FRMD3: variants seen among roughly 807,000 people sequenced by gnomAD.
The protein encoded by FRMD3 is FERM domain containing 3.
FRMD3 carries 33 observed loss-of-function variants against 70.2 expected under a neutral mutation model. The observed-to-expected ratio is 0.47, with a 90% CI of 0.36 to 0.63. FRMD3 has a LOEUF of 0.63. Among genes scored for constraint, FRMD3 ranks in the 20% least tolerant of loss-of-function variants. FRMD3 has a pLI of 0.00. For synonymous variants in FRMD3, 279 were observed against 255.9 expected (o/e 1.09, Z -0.86); for missense variants, 632 against 711.4 (o/e 0.89, Z 1.27).
chr9:83,476,383 C>CA (rs35937281), intron 1 of FRMD3, among the ~76,000 whole-genome samples: 55,538 of 113,248 alleles, frequency 0.49, 11,443 homozygotes, highest in Middle Eastern at 0.59. Flanking sequence ...GACTCTCTCT[C>CA]AAAAAAAAAA....
chr9:83,398,949 A>G (rs1346269373), intron 1 of FRMD3, among the ~76,000 whole-genome samples: 1 of 152,156 alleles, frequency 6.6e-6, no homozygotes, highest in Non-Finnish European at 1.5e-5. Context: ...GGCAAGACAC[A>G]AACAGCCACC....
intron 1 of FRMD3, among the ~76,000 whole-genome samples, chr9:83,392,330 G>A (rs1223323552): frequency 6.6e-6 from 1 of 152,094 alleles, no homozygotes; most frequent in African/African-American, 2.4e-5. Context: ...TCCGAAGTCT[G>A]TAAGCCATTT....
the FRMD3 span, among the ~76,000 whole-genome samples, chr9:83,570,540 T>C: frequency 0.73 from 110,850 of 152,104 alleles, 41,342 homozygotes; most frequent in African/African-American, 0.82. Context: ...TATGCTTGGA[T>C]TGTTGAAGAA....
intron 2 of FRMD3, among the ~76,000 whole-genome samples, chr9:83,382,054 TA>T (rs143155738): frequency 2.0e-4 from 30 of 148,820 alleles, no homozygotes; most frequent in Middle Eastern, 3.5e-3. Context: ...CCATAGGATG[TA>T]AAAAAAAAAC....
chr9:83,540,907 C>T (rs929497903), upstream of FRMD3, among the ~76,000 whole-genome samples: 1 of 152,158 alleles, frequency 6.6e-6, no homozygotes, highest in Non-Finnish European at 1.5e-5. Flanking sequence ...ATTGAATTAT[C>T]GGCCTCACAA....
At chr9:83,559,635 A>G in the FRMD3 span, among the ~76,000 whole-genome samples, 1 of 152,166 alleles carries the variant, frequency 6.6e-6, no homozygotes, top group Non-Finnish European at 1.5e-5. Flanking sequence ...ATATGTTTCA[A>G]CCTATCATTT....
At chr9:83,343,057 T>C (rs1823827251) in intron 5 of FRMD3, 133 bp downstream of exon 5, 3 of 693,396 alleles carry the variant, frequency 4.3e-6, no homozygotes, top group East Asian at 2.5e-5. Context: ...GTTCTGTTGC[T>C]ACGTACCCAG....
chr9:83,331,811 C>T (rs1564019552), intron 6 of FRMD3: 1 of 716,840 alleles, frequency 1.4e-6, no homozygotes, highest in Non-Finnish European at 2.6e-6. Context: ...GTTGTGAGGG[C>T]CATTAAGGGC....
intron 1 of FRMD3, among the ~76,000 whole-genome samples, chr9:83,457,717 C>A (rs1466306906): frequency 2.6e-5 from 4 of 152,076 alleles, no homozygotes; most frequent in Non-Finnish European, 4.4e-5. Context: ...GGTTGGTTGG[C>A]TCCACAGATG....
intron 1 of FRMD3, among the ~76,000 whole-genome samples, chr9:83,479,671 G>A (rs182619404): frequency 0.085 from 2,432 of 28,500 alleles, 103 homozygotes; most frequent in African/African-American, 0.1. Flanking sequence ...AAGGAAGGAA[G>A]GAAAGAAAGA....
chr9:83,270,548 A>T (rs1347371825), intron 13 of FRMD3, among the ~76,000 whole-genome samples: 2 of 152,240 alleles, frequency 1.3e-5, no homozygotes, highest in Non-Finnish European at 2.9e-5. Context: ...AGTGCCTAAC[A>T]TAGAGCTGGC....
At chr9:83,273,109 G>A (rs1321344797) in intron 13 of FRMD3, among the ~76,000 whole-genome samples, 8 of 152,080 alleles carry the variant, frequency 5.3e-5, no homozygotes, top group Non-Finnish European at 8.8e-5. Context: ...CCTCTGCCCG[G>A]CTGCCACCCC....
chr9:83,347,777 G>T (rs1824010241), intron 4 of FRMD3, among the ~76,000 whole-genome samples: 1 of 152,120 alleles, frequency 6.6e-6, no homozygotes, highest in South Asian at 2.1e-4. Context: ...ATGCCTTCAA[G>T]ATAAGAATTC....
intron 1 of FRMD3, among the ~76,000 whole-genome samples, chr9:83,398,689 T>C (rs900351745): frequency 6.6e-6 from 1 of 152,142 alleles, no homozygotes; most frequent in Non-Finnish European, 1.5e-5. Flanking sequence ...GAAAGAAATA[T>C]GTAATTCTGA....
intron 13 of FRMD3, among the ~76,000 whole-genome samples, chr9:83,285,239 G>A (rs1311975349): frequency 2.6e-5 from 4 of 151,994 alleles, no homozygotes; most frequent in Non-Finnish European, 5.9e-5. Flanking sequence ...ATATACACTC[G>A]GCACAAACAC....
chr9:83,335,622 C>T lies in FRMD3; in HGVS notation c.490G>A (p.Asp164Asn), dbSNP rs758114674. ...TAATTCTCAGGATGCTCATCAGGAT[C>T]GTAATCACCAAGCTCAGCTGTAATG... Reference protein sequence around the residue: ...CIVQAELGDYDPDEHPENYIS... With the variant: ...CIVQAELGDYNPDEHPENYIS... The change falls in exon 6 of 14, where the codon GAT becomes AAT. Residue 164 changes from aspartate (D) to asparagine (N), a missense_variant. By Grantham distance (23) the Asp-to-Asn change is conservative (BLOSUM62 1). Transcript: ENST00000304195. 2.7e-5 allele frequency: 44 copies of T among 1,612,670 alleles called. No individual in the cohort carries two copies. The highest frequency in any genetic ancestry group is 3.4e-5 in the Non-Finnish European group (40 of 1,179,112).
intron 1 of FRMD3, among the ~76,000 whole-genome samples, chr9:83,507,720 A>ATC: frequency 1.9e-5 from 2 of 105,970 alleles, no homozygotes; most frequent in South Asian, 6.3e-4. Context: ...ATATATATAT[A>ATC]TATATATATA....
At chr9:83,429,785 T>C (rs1236262410) in intron 1 of FRMD3, among the ~76,000 whole-genome samples, 1 of 152,168 alleles carries the variant, frequency 6.6e-6, no homozygotes, top group Non-Finnish European at 1.5e-5. Flanking sequence ...TGGTCCTGGG[T>C]CTTCGTCTCT....
chr9:83,552,685 T>C, the FRMD3 span, among the ~76,000 whole-genome samples: 1 of 152,312 alleles, frequency 6.6e-6, no homozygotes, highest in South Asian at 2.1e-4. Context: ...ATATTTAGGA[T>C]AGTTAGGTCT....
Sources: gnomAD v4.1 joint callset for allele counts (sites outside exome capture counted in the v4.1 genomes callset) on GRCh38, gnomAD v4.1.1 for gene constraint, MANE v1.5 for transcripts, NCBI Gene and HGNC (gene_info 2026-07-23, HGNC 2026-07-21) for gene names.